The following PCDH15 variants were observed in gnomAD, a reference collection of about 807,000 sequenced individuals.
The protein encoded by PCDH15 is protocadherin-15.
A neutral mutation model predicts 178.5 loss-of-function variants in PCDH15; 129 were observed. The ratio of observed to expected loss-of-function variants is 0.72; its 90% CI spans 0.63 to 0.84. The LOEUF (loss-of-function observed/expected upper bound fraction) is 0.84, where lower values mean the gene tolerates loss of function less well. Among genes scored for constraint, PCDH15 ranks in the 40% least tolerant of loss-of-function variants. PCDH15 has a pLI of 0.00. For synonymous variants in PCDH15, 800 were observed against 732.0 expected (o/e 1.09, Z -1.50); for missense variants, 2,230 against 2,099.9 (o/e 1.06, Z -1.21).
At chr10:54,359,252 A>T (rs1262763194) in intron 5 of PCDH15, among the ~76,000 whole-genome samples, 1 of 150,976 alleles carries the variant, frequency 6.6e-6, no homozygotes, top group African/African-American at 2.5e-5. Context: ...AAGCTTAAAT[A>T]AACCTTTAAA....
intron 1 of PCDH15, among the ~76,000 whole-genome samples, chr10:54,712,472 T>C (rs1422267276): frequency 6.6e-6 from 1 of 151,626 alleles, no homozygotes; most frequent in Admixed American, 6.6e-5. Flanking sequence ...TGAAGCAGGA[T>C]TGTGATAAGG....
At chr10:54,697,670 G>A (rs889351348) in intron 1 of PCDH15, among the ~76,000 whole-genome samples, 121 of 65,760 alleles carry the variant, frequency 1.8e-3, no homozygotes, top group Middle Eastern at 8.6e-3. Flanking sequence ...GGGGAAGGGG[G>A]AAGGGGAAGG....
At chr10:54,803,826 T>C (rs1429669800), upstream of PCDH15, among the ~76,000 whole-genome samples, 2 of 152,294 alleles carry the variant, frequency 1.3e-5, no homozygotes, top group African/African-American at 2.4e-5. Flanking sequence ...AACATTAACA[T>C]TTAAAACATT....
At chr10:55,336,690 C>T (rs1588927375) in intron 2 of PCDH15, among the ~76,000 whole-genome samples, 1 of 152,058 alleles carries the variant, frequency 6.6e-6, no homozygotes, top group African/African-American at 2.4e-5. Context: ...TCTACCCTTT[C>T]ACCCCCTCAT....
At position 54,554,788 on chromosome 10, in the gene PCDH15, A is replaced by G. The variant is rs1930142; in HGVS notation, c.92-26911T>C. On this transcript the variant is annotated intron_variant, in intron 2 of 37. Coordinates refer to ENST00000644397, the MANE Select transcript of PCDH15 (RefSeq NM_001384140.1). The stretch of plus-strand genomic sequence containing the variant: ...TGTAAAATGGAAAAAGTACATCGGA[A>G]AATGACTTCATTGACAAACAGAACT... Among the ~76,000 whole-genome samples the G allele has an allele frequency of 0.016, 2,474 of 152,280 alleles. 240 individuals are homozygous for G. In the East Asian group the frequency reaches 0.26, roughly 16 times the overall value.
At chr10:53,839,467 C>T (rs990441501) in intron 29 of PCDH15, among the ~76,000 whole-genome samples, 10 of 151,776 alleles carry the variant, frequency 6.6e-5, no homozygotes, top group South Asian at 2.1e-4. Context: ...TGTTTATATG[C>T]TGTTTAAAAA....
At chr10:55,517,844 T>C (rs897070802) in intron 2 of PCDH15, among the ~76,000 whole-genome samples, 1 of 151,876 alleles carries the variant, frequency 6.6e-6, no homozygotes, top group Non-Finnish European at 1.5e-5. Flanking sequence ...ACAAACATTA[T>C]CTTTTTGACC....
intron 9 of PCDH15, among the ~76,000 whole-genome samples, chr10:54,221,346 C>T (rs1036238018): frequency 1.3e-5 from 2 of 152,000 alleles, no homozygotes; most frequent in African/African-American, 2.4e-5. Context: ...TTGAAGATTA[C>T]GGGTTTTCTG....
intron 1 of PCDH15, among the ~76,000 whole-genome samples, chr10:54,671,965 G>T (rs1565905054): frequency 6.6e-6 from 1 of 152,152 alleles, no homozygotes; most frequent in East Asian, 1.9e-4. Flanking sequence ...CCCATCATTC[G>T]CATTACCGCC....
At chr10:54,130,417 C>G (rs536214848) in intron 15 of PCDH15, among the ~76,000 whole-genome samples, 4 of 152,142 alleles carry the variant, frequency 2.6e-5, no homozygotes, top group Non-Finnish European at 5.9e-5. Flanking sequence ...ACAAGTTTCA[C>G]TGGCCGGTGA....
At chr10:55,488,541 G>C (rs1010787534) in intron 2 of PCDH15, among the ~76,000 whole-genome samples, 6 of 151,490 alleles carry the variant, frequency 4.0e-5, no homozygotes, top group African/African-American at 1.2e-4. Context: ...ATATCAGATA[G>C]TTCATTTCTG....
chr10:54,121,016 T>A (rs1430373323), intron 15 of PCDH15, among the ~76,000 whole-genome samples: 5 of 149,862 alleles, frequency 3.3e-5, no homozygotes, highest in African/African-American at 1.2e-4. Flanking sequence ...GGGAATATAC[T>A]CCAAGATTTA....
At chr10:55,616,584 C>T (rs1265348741) in intron 2 of PCDH15, among the ~76,000 whole-genome samples, 1 of 150,758 alleles carries the variant, frequency 6.6e-6, no homozygotes, top group Non-Finnish European at 1.5e-5. Context: ...TAAGGTGTGT[C>T]CCTAACCAAC....
At chr10:55,209,809 A>G (rs1840511079) in intron 1 of PCDH15, among the ~76,000 whole-genome samples, 1 of 152,106 alleles carries the variant, frequency 6.6e-6, no homozygotes. Flanking sequence ...TAGTATCTGG[A>G]TATAAGCACT....
chr10:54,171,706 A>G (rs994059661), intron 13 of PCDH15, among the ~76,000 whole-genome samples: 3 of 152,120 alleles, frequency 2.0e-5, no homozygotes, highest in African/African-American at 4.8e-5. Context: ...GGCACTCTCT[A>G]ATCAGATATC....
chr10:55,582,116 T>C (rs1480718190), intron 2 of PCDH15, among the ~76,000 whole-genome samples: 1 of 152,160 alleles, frequency 6.6e-6, no homozygotes, highest in Admixed American at 6.5e-5. Context: ...ATCCCAGTGG[T>C]GCCTGAGAAA....
intron 2 of PCDH15, among the ~76,000 whole-genome samples, chr10:55,496,723 C>A (rs1251413928): frequency 6.6e-6 from 1 of 151,702 alleles, no homozygotes; most frequent in African/African-American, 2.4e-5. Context: ...TATGTCTATA[C>A]ATACTATATA....
Position 54,625,660 on chromosome 10 carries a change from G to A in PCDH15, c.91+38512C>T, listed in dbSNP as rs148858257. On this transcript the variant is annotated intron_variant, in intron 2 of 37. Transcript: ENST00000644397. ...GGCTTCCCCAGCCACATGGAACTGC[G>A]AGTTCTCTATTAAACTTTTTTCCTT... 2.5e-3 allele frequency among the ~76,000 whole-genome samples: 378 copies of A among 152,240 alleles called. 2 individuals carry two copies. The highest frequency in any genetic ancestry group is 8.1e-3 in the African/African-American group (335 of 41,548).
intron 8 of PCDH15, among the ~76,000 whole-genome samples, chr10:54,247,260 T>C (rs2056039103): frequency 6.6e-6 from 1 of 151,974 alleles, no homozygotes; most frequent in Non-Finnish European, 1.5e-5. Context: ...GATAAAATAT[T>C]GCACTCATCC....
Sources: allele counts gnomAD v4.1 joint callset (sites outside exome capture counted in the v4.1 genomes callset), GRCh38; gene constraint gnomAD v4.1.1; transcripts MANE v1.5; gene names NCBI Gene and HGNC (gene_info 2026-07-23, HGNC 2026-07-21).